The following CD247 variants were observed in gnomAD, a reference collection of about 807,000 sequenced individuals.
CD247 encodes CD247 molecule.
CD247 carries 13 observed loss-of-function variants against 30.0 expected under a neutral mutation model. The observed-to-expected ratio is 0.43, with a 90% CI of 0.28 to 0.69. The LOEUF (loss-of-function observed/expected upper bound fraction) is 0.69. Among genes scored for constraint, CD247 ranks in the 30% least tolerant of loss-of-function variants. The pLI, the probability that CD247 is intolerant of heterozygous loss-of-function variation, is 0.16. For synonymous variants in CD247, 72 were observed against 80.0 expected, an observed-to-expected ratio of 0.90 and a Z score of 0.53; for missense variants, 193 against 212.6, an observed-to-expected ratio of 0.91 and a Z score of 0.57.
At chr1:167,478,596 C>T (rs929641374) in intron 1 of CD247, among the ~76,000 whole-genome samples, 1 of 152,162 alleles carries the variant, frequency 6.6e-6, no homozygotes, top group African/African-American at 2.4e-5. Flanking sequence ...GACAGGAACG[C>T]AGAGTCTGGA....
At chr1:167,470,630 TG>T (rs751414004) in intron 1 of CD247, among the ~76,000 whole-genome samples, 2 of 151,854 alleles carry the variant, frequency 1.3e-5, no homozygotes, top group African/African-American at 4.8e-5. Context: ...TTTCTTCTAA[TG>T]TTTTTTTCTA....
intron 1 of CD247, among the ~76,000 whole-genome samples, chr1:167,493,917 T>C (rs1654562511): frequency 6.6e-6 from 1 of 152,156 alleles, no homozygotes; most frequent in Admixed American, 6.5e-5. Flanking sequence ...AGGCACAGAA[T>C]CAGCAAAAAC....
intron 1 of CD247, among the ~76,000 whole-genome samples, chr1:167,508,751 A>G (rs1204682793): frequency 6.6e-6 from 1 of 152,220 alleles, no homozygotes; most frequent in Non-Finnish European, 1.5e-5. Context: ...TTCCTTTGCT[A>G]CTAAACTCAG....
At chr1:167,518,367 G>C (rs1207233608) in intron 1 of CD247, 41 bp downstream of exon 1, 7 of 1,602,372 alleles carry the variant, frequency 4.4e-6, no homozygotes, top group Non-Finnish European at 6.0e-6. Flanking sequence ...CATACACAAA[G>C]AGTTTCTAGA....
chr1:167,510,330 GCAC>G (rs1655333545), intron 1 of CD247, among the ~76,000 whole-genome samples: 1 of 152,184 alleles, frequency 6.6e-6, no homozygotes, highest in African/African-American at 2.4e-5. Context: ...CAAACACACA[GCAC>G]CACATGCGCC....
intron 1 of CD247, among the ~76,000 whole-genome samples, chr1:167,507,559 C>CGTG (rs1215685373): frequency 6.6e-6 from 1 of 151,318 alleles, no homozygotes; most frequent in East Asian, 1.9e-4. Flanking sequence ...AAATAGGCAG[C>CGTG]GTGGTGGCTT....
intron 1 of CD247, among the ~76,000 whole-genome samples, chr1:167,461,640 G>A (rs1033792540): frequency 1.3e-5 from 2 of 152,192 alleles, no homozygotes; most frequent in African/African-American, 4.8e-5. Context: ...ACAAGATCAG[G>A]AGTTCGAGAC....
At chr1:167,446,864 A>G (rs1451029879) in intron 1 of CD247, among the ~76,000 whole-genome samples, 1 of 152,208 alleles carries the variant, frequency 6.6e-6, no homozygotes, top group Non-Finnish European at 1.5e-5. Flanking sequence ...GCGTGGTGGC[A>G]GGCACCTGTG....
rs12757673 is a variant in CD247, at chr1:167,452,016, A to G, written c.59-11249T>C. ...GGCGGGTGGATCACCTGAGGCCAGG[A>G]GTTTGAGACTAGCCTGGCCAACATG... On this transcript the variant is annotated intron_variant, in intron 1 of 7. Coordinates refer to ENST00000362089, the MANE Select transcript of CD247 (RefSeq NM_198053.3). 8.8e-3 allele frequency among the ~76,000 whole-genome samples: 1,345 copies of G among 152,324 alleles called. 9 individuals are homozygous for G. Among genetic ancestry groups the G allele is most frequent in the South Asian group, 0.017 (80 of 4,828 alleles).
intron 1 of CD247, among the ~76,000 whole-genome samples, chr1:167,513,312 A>C (rs190883576): frequency 8.5e-6 from 1 of 117,918 alleles, no homozygotes; most frequent in East Asian, 2.0e-4. Flanking sequence ...AACTATAAAA[A>C]GATAGTAAAA....
At chr1:167,449,084 CT>C (rs1468352165) in intron 1 of CD247, among the ~76,000 whole-genome samples, 2 of 146,434 alleles carry the variant, frequency 1.4e-5, no homozygotes, top group African/African-American at 5.0e-5. Context: ...TGTTTCTCTT[CT>C]TGTATTTTTA....
intron 1 of CD247, among the ~76,000 whole-genome samples, chr1:167,474,751 T>A (rs12565131): frequency 6.9e-6 from 1 of 144,006 alleles, no homozygotes; most frequent in Admixed American, 6.9e-5. Flanking sequence ...GTTAAAACTG[T>A]CTTTTTTTTT....
rs569342759 is a variant in CD247, at chr1:167,434,448, C to T, written c.337-372G>A. The T allele has an allele frequency of 8.3e-6, 3 of 363,356 alleles. No individual in the cohort carries two copies. In the East Asian group the frequency reaches 2.1e-4, roughly 26 times the overall value. 22.5% of individuals were successfully genotyped at this position (363,356 alleles called of 1,614,324 possible). ...TGAGCAAGTTGTCTCTTTACACAGC[C>T]AAACGGGCTGTAGATCAACCCTCCC... On this transcript the variant is annotated intron_variant, in intron 5 of 7. Coordinates refer to ENST00000362089, the MANE Select transcript of CD247 (RefSeq NM_198053.3).
At chr1:167,448,409 C>T (rs1043252650) in intron 1 of CD247, 1 of 985,274 alleles carries the variant, frequency 1.0e-6, no homozygotes, top group African/African-American at 1.7e-5. Flanking sequence ...AGTCCCTTCT[C>T]CCAGGATCGA....
chr1:167,452,337 C>A (rs1408456340), intron 1 of CD247, among the ~76,000 whole-genome samples: 6 of 150,608 alleles, frequency 4.0e-5, no homozygotes, highest in African/African-American at 7.3e-5. Context: ...TCCCTTGAAC[C>A]CGGGAGGCGG....
chr1:167,507,547 C>G (rs1190362138), intron 1 of CD247, among the ~76,000 whole-genome samples: 1 of 122,320 alleles, frequency 8.2e-6, no homozygotes, highest in Non-Finnish European at 1.7e-5. Context: ...TTAAAAATCT[C>G]TAAATAGGCA....
At chr1:167,448,567 C>T (rs1328790271) in intron 1 of CD247, 7 of 979,186 alleles carry the variant, frequency 7.1e-6, no homozygotes, top group East Asian at 2.3e-4. Flanking sequence ...ATAGCAATGA[C>T]CCACTGGAGA....
intron 1 of CD247, among the ~76,000 whole-genome samples, chr1:167,495,706 C>T (rs1191847800): frequency 6.6e-6 from 1 of 151,914 alleles, no homozygotes; most frequent in Non-Finnish European, 1.5e-5. Context: ...GACCTCACCT[C>T]CTACTGGCCT....
At chr1:167,467,274 A>C (rs1170614223) in intron 1 of CD247, among the ~76,000 whole-genome samples, 1 of 152,210 alleles carries the variant, frequency 6.6e-6, no homozygotes, top group Admixed American at 6.5e-5. Flanking sequence ...CTCCTGGCTA[A>C]TTTCAAGGTT....
Sources: gnomAD v4.1 joint callset for allele counts (sites outside exome capture counted in the v4.1 genomes callset) on GRCh38, gnomAD v4.1.1 for gene constraint, MANE v1.5 for transcripts, NCBI Gene and HGNC (gene_info 2026-07-23, HGNC 2026-07-21) for gene names.